Variants in TGDS observed in about 807,000 individuals in gnomAD.
The protein encoded by TGDS is UDP-D-glucose 4,6-dehydratase.
A neutral mutation model predicts 52.3 loss-of-function variants in TGDS; 47 were observed. The observed-to-expected ratio is 0.90, with a 90% CI of 0.71 to 1.15. The LOEUF is 1.15. Among genes scored for constraint, TGDS ranks in the 50% most tolerant of loss-of-function variants. TGDS has a pLI of 0.00. For missense variants in TGDS, 375 were observed against 418.4 expected, an observed-to-expected ratio of 0.90 and a Z score of 0.90; for synonymous variants, 115 against 136.9, an observed-to-expected ratio of 0.84 and a Z score of 1.12.
At chr13:94,580,748 T>C (rs1250353195) in intron 6 of TGDS, among the ~76,000 whole-genome samples, 2 of 152,176 alleles carry the variant, frequency 1.3e-5, no homozygotes, top group African/African-American at 4.8e-5. Flanking sequence ...TACGAAGAGG[T>C]CGGCCCTAAT....
At chr13:94,576,639 C>T (rs1486029806) in intron 10 of TGDS, among the ~76,000 whole-genome samples, 1 of 150,970 alleles carries the variant, frequency 6.6e-6, no homozygotes, top group Non-Finnish European at 1.5e-5. Context: ...CTTCTTGTTT[C>T]AGCCACGATC....
At chr13:94,578,203 T>G (rs1423282001) in intron 8 of TGDS, 33 bp from the exon 9 acceptor site, 3 of 1,606,378 alleles carry the variant, frequency 1.9e-6, no homozygotes, top group African/African-American at 1.3e-5. Flanking sequence ...AATCATAAAG[T>G]GTAAAAAGGT....
chr13:94,587,832 T>C (rs7981046), intron 4 of TGDS, among the ~76,000 whole-genome samples: 104,377 of 149,838 alleles, frequency 0.7, 36,930 homozygotes, highest in African/African-American at 0.83. Flanking sequence ...CCCGTCTCTA[T>C]TAAAAATACA....
At chr13:94,581,467 G>A (rs1888790692) in intron 5 of TGDS, among the ~76,000 whole-genome samples, 2 of 152,314 alleles carry the variant, frequency 1.3e-5, no homozygotes, top group African/African-American at 2.4e-5. Context: ...GACAGTGGGA[G>A]AGGAGGTCAG....
intron 11 of TGDS, among the ~76,000 whole-genome samples, chr13:94,575,146 A>C (rs1888551324): frequency 6.6e-6 from 1 of 152,128 alleles, no homozygotes. Context: ...TCTGATTTTA[A>C]GGAATTTGGG....
chr13:94,582,237 T>G (rs1888824142), intron 5 of TGDS, among the ~76,000 whole-genome samples: 1 of 152,118 alleles, frequency 6.6e-6, no homozygotes. Context: ...TTACAAGAAT[T>G]TTACACTGTC....
Position 94,594,294 on chromosome 13 carries a change from T to G in TGDS, c.87-387A>C, listed in dbSNP as rs187987811. Among the ~76,000 whole-genome samples, 10 of 152,318 alleles carry G rather than the reference T, an allele frequency of 6.6e-5. No individual in the cohort carries two copies. The East Asian group carries it at 1.9e-3, about 29-fold the overall frequency. On this transcript the variant is annotated intron_variant, in intron 1 of 11. Coordinates refer to ENST00000261296, the MANE Select transcript of TGDS (RefSeq NM_014305.4). ...CATGCCTTTTCAGGAACTGCAGATATAAGTATGTAAAAATGAAATTACTAT... is the reference window on the plus strand; with the variant it reads ...CATGCCTTTTCAGGAACTGCAGATAGAAGTATGTAAAAATGAAATTACTAT...
chr13:94,581,539 A>C (rs1430272998), intron 5 of TGDS, among the ~76,000 whole-genome samples: 2 of 152,240 alleles, frequency 1.3e-5, no homozygotes, highest in African/African-American at 4.8e-5. Context: ...TTTTGAGCAG[A>C]GTAATGCCAG....
chr13:94,590,307 A>C (rs1260466883), intron 4 of TGDS, among the ~76,000 whole-genome samples: 1 of 147,868 alleles, frequency 6.8e-6, no homozygotes, highest in African/African-American at 2.6e-5. Flanking sequence ...AAGTGTAGAC[A>C]AAAGCAAAGG....
At chr13:94,594,511 G>A (rs1373606929) in intron 1 of TGDS, among the ~76,000 whole-genome samples, 3 of 152,102 alleles carry the variant, frequency 2.0e-5, no homozygotes, top group African/African-American at 7.2e-5. Context: ...GGACCCTAAA[G>A]GGGAATCACA....
rs544080396 is a variant in TGDS at position 94,596,137 on chromosome 13, C to A, written c.-1G>T. On this transcript the variant is annotated 5_prime_UTR_variant, in exon 1 of 12. Transcript: ENST00000261296. Reference sequence around the variant, plus strand: ...GTTCCTCCCAACACGCCGCCGACATCTCCCAGCTCAGCAGTGCCTAGTACC... The same window carrying A: ...GTTCCTCCCAACACGCCGCCGACATATCCCAGCTCAGCAGTGCCTAGTACC... 6.2e-7 allele frequency: 1 copy of A among 1,613,998 alleles called. No individual in the cohort carries two copies. The highest frequency in any genetic ancestry group is 1.1e-5 in the South Asian group (1 of 91,040).
At chr13:94,586,729 G>T (rs866658143) in intron 4 of TGDS, among the ~76,000 whole-genome samples, 2 of 149,106 alleles carry the variant, frequency 1.3e-5, no homozygotes, top group Admixed American at 1.3e-4. Flanking sequence ...AGTAACCCAC[G>T]GATGAGAGAA....
intron 4 of TGDS, among the ~76,000 whole-genome samples, chr13:94,584,489 G>A (rs140836771): frequency 5.5e-4 from 84 of 152,240 alleles, no homozygotes; most frequent in African/African-American, 1.8e-3. Context: ...ATCTCAATGC[G>A]GATTGGACAT....
chr13:94,587,291 T>C (rs1009631489), intron 4 of TGDS, among the ~76,000 whole-genome samples: 2 of 152,194 alleles, frequency 1.3e-5, no homozygotes, highest in Non-Finnish European at 2.9e-5. Flanking sequence ...ATTCATTATA[T>C]AGAAAACAAA....
At chr13:94,583,050 T>C (rs1026758875) in intron 5 of TGDS, 44 bp downstream of exon 5, 3 of 1,593,574 alleles carry the variant, frequency 1.9e-6, no homozygotes, top group African/African-American at 2.7e-5. Context: ...AACTGTATCA[T>C]GGTACATGGT....
intron 4 of TGDS, among the ~76,000 whole-genome samples, chr13:94,587,492 T>C (rs1022214906): frequency 6.6e-6 from 1 of 151,672 alleles, no homozygotes; most frequent in Non-Finnish European, 1.5e-5. Context: ...CAGAATTGAA[T>C]AGAGCCGAGA....
At chr13:94,576,575 T>TA (rs899644686) in intron 10 of TGDS, among the ~76,000 whole-genome samples, 164 bp from the exon 11 acceptor site, 22 of 147,228 alleles carry the variant, frequency 1.5e-4, no homozygotes, top group South Asian at 1.3e-3. Flanking sequence ...AGTATATATT[T>TA]AAAAAAAAAA....
At chr13:94,581,233 T>G (rs1888780975) in intron 5 of TGDS, 44 bp from the exon 6 acceptor site, 2 of 1,303,434 alleles carry the variant, frequency 1.5e-6, no homozygotes, top group Non-Finnish European at 2.1e-6. Context: ...ATGCATATTT[T>G]AAGTATAGAA....
chr13:94,588,421 CAAAAAAAAAAAAAAAA>C (rs150186125), intron 4 of TGDS, among the ~76,000 whole-genome samples: 2 of 58,492 alleles, frequency 3.4e-5, no homozygotes, highest in African/African-American at 7.0e-5. Flanking sequence ...GACTCTGTCT[CAAAAAAAAAAAAAAAA>C]AAAAAAAAAA....
Sources: allele counts gnomAD v4.1 joint callset (sites outside exome capture counted in the v4.1 genomes callset), GRCh38; gene constraint gnomAD v4.1.1; transcripts MANE v1.5; gene names NCBI Gene and HGNC (gene_info 2026-07-23, HGNC 2026-07-21).